Variants in GSK3B observed in about 807,000 individuals in gnomAD.
GSK3B encodes the protein glycogen synthase kinase-3 beta.
Under a neutral mutation model 56.4 loss-of-function variants are expected in GSK3B, and 15 were observed. The ratio of observed to expected loss-of-function variants is 0.27; its 90% confidence interval spans 0.18 to 0.41. The LOEUF (loss-of-function observed/expected upper bound fraction) is 0.41. Among genes scored for constraint, GSK3B ranks in the 10% least tolerant of loss-of-function variants. The pLI is 1.00. For synonymous variants in GSK3B, 181 were observed against 188.9 expected, an observed-to-expected ratio of 0.96 and a Z score of 0.34; for missense variants, 300 against 513.4, an observed-to-expected ratio of 0.58 and a Z score of 4.02.
At chr3:119,842,724 A>G (rs1452776472) in intron 10 of GSK3B, among the ~76,000 whole-genome samples, 1 of 152,100 alleles carries the variant, frequency 6.6e-6, no homozygotes, top group Non-Finnish European at 1.5e-5. Context: ...ACAGAATTTA[A>G]CATTATCAGA....
intron 4 of GSK3B, among the ~76,000 whole-genome samples, chr3:119,922,278 G>GAA (rs1280918624): frequency 1.1e-4 from 16 of 144,424 alleles, no homozygotes; most frequent in African/African-American, 1.3e-4. Flanking sequence ...AGGAAGGAAG[G>GAA]GAGGAGGGAA....
intron 2 of GSK3B, among the ~76,000 whole-genome samples, chr3:119,975,771 A>G (rs937607939): frequency 2.0e-5 from 3 of 152,196 alleles, no homozygotes; most frequent in African/African-American, 7.2e-5. Flanking sequence ...AGTTAATAAT[A>G]ATGTATAAAT....
chr3:120,039,104 T>C (rs1467058480), intron 1 of GSK3B, among the ~76,000 whole-genome samples: 2 of 152,218 alleles, frequency 1.3e-5, no homozygotes, highest in Non-Finnish European at 2.9e-5. Context: ...CAACATCATA[T>C]GTCATTAGGG....
At chr3:120,027,514 G>A (rs2057938487) in intron 1 of GSK3B, among the ~76,000 whole-genome samples, 1 of 152,074 alleles carries the variant, frequency 6.6e-6, no homozygotes, top group Non-Finnish European at 1.5e-5. Context: ...TATTCATTAA[G>A]GCATTATTTA....
intron 2 of GSK3B, among the ~76,000 whole-genome samples, chr3:119,968,512 G>A (rs548662143): frequency 5.9e-5 from 9 of 152,158 alleles, no homozygotes; most frequent in Non-Finnish European, 1.3e-4. Flanking sequence ...GTCAATTAAT[G>A]TAATCCATCA....
At chr3:120,000,821 CAA>C (rs57916840) in intron 2 of GSK3B, among the ~76,000 whole-genome samples, 30 of 67,220 alleles carry the variant, frequency 4.5e-4, no homozygotes, top group Admixed American at 8.5e-4. Context: ...GGGAAGATAG[CAA>C]AAAAAAAAAA....
intron 8 of GSK3B, among the ~76,000 whole-genome samples, chr3:119,867,920 T>C (rs919018364): frequency 6.6e-6 from 1 of 151,004 alleles, no homozygotes; most frequent in African/African-American, 2.4e-5. Context: ...TGGACAAAAA[T>C]AGAAAACCAG....
chr3:119,983,333 A>G (rs2057482524), intron 2 of GSK3B, among the ~76,000 whole-genome samples: 1 of 152,240 alleles, frequency 6.6e-6, no homozygotes, highest in Non-Finnish European at 1.5e-5. Flanking sequence ...TCATAATGAC[A>G]GGAACAAATT....
chr3:120,016,502 T>C (rs190086248), intron 1 of GSK3B, among the ~76,000 whole-genome samples: 1 of 152,318 alleles, frequency 6.6e-6, no homozygotes, highest in African/African-American at 2.4e-5. Flanking sequence ...GAAAAACTCG[T>C]GTCCTACTAC....
intron 10 of GSK3B, among the ~76,000 whole-genome samples, chr3:119,827,545 G>A (rs1464579079): frequency 1.5e-5 from 2 of 132,842 alleles, no homozygotes; most frequent in South Asian, 4.8e-4. Flanking sequence ...GGCTGCAAGT[G>A]AGCCAAGACC....
intron 7 of GSK3B, among the ~76,000 whole-genome samples, chr3:119,904,041 A>C (rs879461736): frequency 6.6e-6 from 1 of 152,174 alleles, no homozygotes; most frequent in Non-Finnish European, 1.5e-5. Context: ...ATATTTCCCC[A>C]AAAAGAACTC....
intron 2 of GSK3B, among the ~76,000 whole-genome samples, chr3:119,954,499 A>G (rs1428251329): frequency 6.6e-6 from 1 of 152,208 alleles, no homozygotes; most frequent in African/African-American, 2.4e-5. Context: ...GAAATTTTAA[A>G]TTGTGGTAAC....
chr3:119,867,357 G>A (rs1012341311), intron 8 of GSK3B, among the ~76,000 whole-genome samples: 3 of 152,090 alleles, frequency 2.0e-5, no homozygotes, highest in East Asian at 3.9e-4. Flanking sequence ...CAGGAGTGCG[G>A]GTATTAACTT....
chr3:119,824,295 C>T lies in GSK3B; in HGVS notation c.*2493G>A. 4.4e-6 allele frequency: 1 copy of T among 225,888 alleles called. No homozygotes were observed. The highest frequency in any genetic ancestry group is 8.8e-6 in the Non-Finnish European group (1 of 113,586). 14.0% of individuals were successfully genotyped at this position (225,888 alleles called of 1,614,324 possible). The stretch of plus-strand genomic sequence containing the variant: ...GTATAAAAGAGTTCTGTGATCCCAC[C>T]ATGATCCTTGAGAAAGAAAAATCAC... On this transcript the variant is annotated 3_prime_UTR_variant, in exon 11 of 11. Coordinates refer to ENST00000264235, the MANE Select transcript of GSK3B (RefSeq NM_001146156.2).
At chr3:119,828,843 T>C (rs2055557957) in intron 10 of GSK3B, among the ~76,000 whole-genome samples, 1 of 152,242 alleles carries the variant, frequency 6.6e-6, no homozygotes, top group South Asian at 2.1e-4. Context: ...GTTTAATTCA[T>C]TTAATTTCCT....
At chr3:120,056,834 T>C (rs2058195299) in intron 1 of GSK3B, among the ~76,000 whole-genome samples, 1 of 152,034 alleles carries the variant, frequency 6.6e-6, no homozygotes, top group African/African-American at 2.4e-5. Context: ...AAGGGGCCAA[T>C]ATACAGGTAG....
chr3:119,969,090 A>AAAC (rs2057343821), intron 2 of GSK3B, among the ~76,000 whole-genome samples: 1 of 152,050 alleles, frequency 6.6e-6, no homozygotes, highest in Non-Finnish European at 1.5e-5. Flanking sequence ...TCAGGAGTTC[A>AAAC]AGACAAACCT....
rs145713986 is a variant in GSK3B at position 120,082,624 on chromosome 3, G to A, written c.88+10723C>T. Among the ~76,000 whole-genome samples the A allele has an allele frequency of 1.6e-3, 246 of 151,886 alleles. 1 individual carries two copies. Among genetic ancestry groups the A allele is most frequent in the Admixed American group, 4.8e-3 (73 of 15,232 alleles). ...TTGGCCAGGTTGGTCTTGAACTCCT[G>A]ACCTCGTGATCCACCCGCCTCGGTC... On this transcript the variant is annotated intron_variant, in intron 1 of 10. Transcript: ENST00000264235.
chr3:119,858,944 T>C (rs575340519), intron 9 of GSK3B, among the ~76,000 whole-genome samples: 1 of 147,556 alleles, frequency 6.8e-6, no homozygotes, highest in African/African-American at 2.5e-5. Flanking sequence ...GATCAATTAG[T>C]TCAATACAAA....
Sources: gnomAD v4.1 joint callset for allele counts (sites outside exome capture counted in the v4.1 genomes callset) on GRCh38, gnomAD v4.1.1 for gene constraint, MANE v1.5 for transcripts, NCBI Gene and HGNC (gene_info 2026-07-23, HGNC 2026-07-21) for gene names.